The following GPC5 variants were observed in gnomAD, a reference collection of about 807,000 sequenced individuals.
The protein encoded by GPC5 is glypican 5.
In GPC5, 47 loss-of-function variants were observed where a neutral mutation model predicts 53.9. The observed-to-expected ratio is 0.87, with a 90% confidence interval of 0.69 to 1.11. GPC5 has a LOEUF of 1.11. Ranked by LOEUF, GPC5 falls within the 50% of genes most tolerant of loss-of-function variation. The pLI is 0.00. For synonymous variants in GPC5, 286 were observed against 263.3 expected (o/e 1.09, Z -0.84); for missense variants, 748 against 713.1 (o/e 1.05, Z -0.56).
chr13:92,390,654 T>A (rs1446884030), intron 7 of GPC5, among the ~76,000 whole-genome samples: 1 of 152,152 alleles, frequency 6.6e-6, no homozygotes, highest in Non-Finnish European at 1.5e-5. Flanking sequence ...GGTTCTGTGA[T>A]TCTTTGTATT....
At chr13:91,745,436 C>T (rs534900854) in intron 4 of GPC5, among the ~76,000 whole-genome samples, 395 of 65,102 alleles carry the variant, frequency 6.1e-3, no homozygotes, top group African/African-American at 0.023. Flanking sequence ...CAAAGGGTCT[C>T]TAAGGAGCCC....
chr13:92,040,999 T>G (rs2040937498), intron 6 of GPC5, among the ~76,000 whole-genome samples: 1 of 151,984 alleles, frequency 6.6e-6, no homozygotes, highest in Non-Finnish European at 1.5e-5. Context: ...TACAGGCATG[T>G]GCCACCACAC....
intron 5 of GPC5, among the ~76,000 whole-genome samples, chr13:91,854,718 CTT>C (rs893354621): frequency 7.9e-5 from 12 of 151,860 alleles, no homozygotes; most frequent in East Asian, 7.7e-4. Context: ...TAATAAATAA[CTT>C]AATATTTCAA....
chr13:92,788,220 G>A (rs1048657971), intron 7 of GPC5, among the ~76,000 whole-genome samples: 1 of 151,980 alleles, frequency 6.6e-6, no homozygotes, highest in Non-Finnish European at 1.5e-5. Context: ...ATAGGAACAT[G>A]TCCATGTATC....
intron 5 of GPC5, among the ~76,000 whole-genome samples, chr13:91,906,701 T>C (rs1466087248): frequency 6.6e-6 from 1 of 152,072 alleles, no homozygotes. Context: ...TAAGACATCT[T>C]TGTGACTAAT....
At chr13:91,410,946 C>CA (rs1566371866) in intron 1 of GPC5, among the ~76,000 whole-genome samples, 3 of 151,574 alleles carry the variant, frequency 2.0e-5, no homozygotes, top group Non-Finnish European at 4.4e-5. Context: ...CCGTCTCTAC[C>CA]AAAAATACAA....
intron 7 of GPC5, among the ~76,000 whole-genome samples, chr13:92,380,643 A>G (rs1023165176): frequency 1.3e-5 from 2 of 151,532 alleles, no homozygotes; most frequent in African/African-American, 4.8e-5. Context: ...AGGGACGTGG[A>G]TGAAATTGGA....
chr13:92,778,813 T>C (rs894075483), intron 7 of GPC5, among the ~76,000 whole-genome samples: 1 of 152,180 alleles, frequency 6.6e-6, no homozygotes, highest in Non-Finnish European at 1.5e-5. Context: ...AAAATGACAG[T>C]GACTATAAAA....
intron 7 of GPC5, among the ~76,000 whole-genome samples, chr13:92,477,174 A>G (rs1429621002): frequency 1.3e-5 from 2 of 152,298 alleles, no homozygotes; most frequent in East Asian, 3.9e-4. Flanking sequence ...ACCTATGCAA[A>G]AAAGTCATTT....
rs540449660 is a variant in GPC5, at chr13:92,755,586, G to T, written c.1562-110696G>T. Among the ~76,000 whole-genome samples, 154 of 148,858 alleles carry T rather than the reference G, an allele frequency of 1.0e-3. No individual in the cohort carries two copies. The Middle Eastern group carries it at 0.017, about 17-fold the overall frequency. ...AACAAAATAGATAGACTGCTAGCAA[G>T]ACTAATAAAGAAAAAAAGAGAGAAG... On this transcript the variant is annotated intron_variant, in intron 7 of 7. Transcript: ENST00000377067.
chr13:92,404,564 T>C (rs1875710271), intron 7 of GPC5, among the ~76,000 whole-genome samples: 1 of 152,220 alleles, frequency 6.6e-6, no homozygotes, highest in Admixed American at 6.5e-5. Flanking sequence ...AATTTTTAAA[T>C]TGCAATACAA....
At chr13:91,589,885 T>A (rs1446086882) in intron 2 of GPC5, among the ~76,000 whole-genome samples, 3 of 152,176 alleles carry the variant, frequency 2.0e-5, no homozygotes, top group African/African-American at 7.2e-5. Context: ...GCTAAATTTT[T>A]AACTATGGGT....
chr13:92,503,583 C>A (rs559149266), intron 7 of GPC5, among the ~76,000 whole-genome samples: 1 of 151,062 alleles, frequency 6.6e-6, no homozygotes, highest in Non-Finnish European at 1.5e-5. Context: ...CCCAGGAAAA[C>A]AACAAAGAAA....
intron 1 of GPC5, among the ~76,000 whole-genome samples, chr13:91,427,608 G>T (rs928865182): frequency 2.6e-5 from 4 of 152,148 alleles, no homozygotes; most frequent in South Asian, 2.1e-4. Flanking sequence ...AAAGGGACTT[G>T]CCTTTTCTCA....
At chr13:92,555,712 A>T (rs1441146930) in intron 7 of GPC5, among the ~76,000 whole-genome samples, 1 of 149,858 alleles carries the variant, frequency 6.7e-6, no homozygotes, top group East Asian at 1.9e-4. Flanking sequence ...ATTGAATAAA[A>T]CATAAACAAT....
At chr13:91,880,065 AC>A (rs1201171537) in intron 5 of GPC5, among the ~76,000 whole-genome samples, 5 of 152,120 alleles carry the variant, frequency 3.3e-5, no homozygotes, top group Non-Finnish European at 5.9e-5. Flanking sequence ...ATTTTATAAG[AC>A]TTTTCAAACA....
At chr13:92,695,702 T>G (rs1478846680) in intron 7 of GPC5, among the ~76,000 whole-genome samples, 1 of 125,106 alleles carries the variant, frequency 8.0e-6, no homozygotes, top group African/African-American at 2.8e-5. Context: ...ATTTTATGAG[T>G]TTTTTTTTTT....
intron 7 of GPC5, among the ~76,000 whole-genome samples, chr13:92,663,850 CACACACTATATATATATATA>C (rs1886459888): frequency 5.5e-5 from 5 of 91,082 alleles, no homozygotes; most frequent in African/African-American, 1.6e-4. Context: ...TATATACACA[CACACACTATATATATATATA>C]TATATATATA....
intron 2 of GPC5, among the ~76,000 whole-genome samples, chr13:91,592,703 G>A (rs772066774): frequency 5.9e-5 from 9 of 152,174 alleles, no homozygotes; most frequent in South Asian, 2.1e-4. Flanking sequence ...CCTTGGATTC[G>A]GGTTCCAGGT....
Sources: gnomAD v4.1 joint callset for allele counts (sites outside exome capture counted in the v4.1 genomes callset) on GRCh38, gnomAD v4.1.1 for gene constraint, MANE v1.5 for transcripts, NCBI Gene and HGNC (gene_info 2026-07-23, HGNC 2026-07-21) for gene names.